The following FSTL5 variants were observed in gnomAD, a reference collection of about 807,000 sequenced individuals.
The protein encoded by FSTL5 is follistatin like 5, also known as follistatin-related protein 5.
FSTL5 carries 62 observed loss-of-function variants against 89.1 expected under a neutral mutation model. That is an observed-to-expected ratio of 0.70 (90% confidence interval 0.57 to 0.86). FSTL5 has a LOEUF of 0.86. FSTL5 is among the 40% of genes least tolerant of loss of function. FSTL5 has a pLI of 0.00. For missense variants in FSTL5, 1,057 were observed against 1,001.6 expected, an observed-to-expected ratio of 1.06 and a Z score of -0.75; for synonymous variants, 383 against 346.2, an observed-to-expected ratio of 1.11 and a Z score of -1.18.
chr4:161,975,704 GTAAC>G, intron 3 of FSTL5, among the ~76,000 whole-genome samples: 1 of 150,028 alleles, frequency 6.7e-6, no homozygotes, highest in African/African-American at 2.5e-5. Flanking sequence ...GTATACATAT[GTAAC>G]TAACCTGCAC....
intron 3 of FSTL5, among the ~76,000 whole-genome samples, chr4:162,025,718 A>G (rs978306668): frequency 8.5e-5 from 13 of 152,188 alleles, no homozygotes; most frequent in Middle Eastern, 3.4e-3. Context: ...ACTGTGAAAT[A>G]TATCTTATAA....
chr4:161,489,990 T>G (rs1245248538), intron 12 of FSTL5, among the ~76,000 whole-genome samples: 1 of 152,128 alleles, frequency 6.6e-6, no homozygotes, highest in East Asian at 1.9e-4. Context: ...TGGGTATTTT[T>G]TATTTCAAAA....
intron 8 of FSTL5, among the ~76,000 whole-genome samples, chr4:161,543,050 T>C (rs1294229554): frequency 2.0e-5 from 3 of 151,716 alleles, no homozygotes; most frequent in African/African-American, 7.3e-5. Context: ...TAATTAGTAA[T>C]TACAAAGGAG....
chr4:161,924,954 A>C (rs535489417), intron 3 of FSTL5, among the ~76,000 whole-genome samples: 1 of 151,940 alleles, frequency 6.6e-6, no homozygotes, highest in Non-Finnish European at 1.5e-5. Context: ...TTGGTTAAAA[A>C]GAACAACAGA....
At chr4:161,696,668 C>T (rs1010948335) in intron 6 of FSTL5, among the ~76,000 whole-genome samples, 1 of 152,068 alleles carries the variant, frequency 6.6e-6, no homozygotes, top group African/African-American at 2.4e-5. Context: ...CTTTCTCCTC[C>T]TTGGTTAGGT....
chr4:162,156,094 A>C (rs1384865229), intron 1 of FSTL5, among the ~76,000 whole-genome samples: 1 of 152,198 alleles, frequency 6.6e-6, no homozygotes, highest in African/African-American at 2.4e-5. Context: ...CTCTGTGGGC[A>C]ATACCTTAAG....
intron 6 of FSTL5, among the ~76,000 whole-genome samples, chr4:161,692,784 C>T (rs766394496): frequency 4.6e-5 from 7 of 151,982 alleles, no homozygotes; most frequent in African/African-American, 9.7e-5. Flanking sequence ...AGTGCAGTGG[C>T]GCTATCTCGG....
At chr4:162,071,852 A>T (rs766645295) in intron 2 of FSTL5, among the ~76,000 whole-genome samples, 4 of 151,830 alleles carry the variant, frequency 2.6e-5, no homozygotes, top group Non-Finnish European at 4.4e-5. Context: ...AAAACTGTAC[A>T]ATACATATAC....
intron 6 of FSTL5, among the ~76,000 whole-genome samples, chr4:161,722,633 T>A (rs1739255866): frequency 3.9e-5 from 6 of 152,206 alleles, no homozygotes; most frequent in Admixed American, 3.9e-4. Flanking sequence ...TATGCAGAAC[T>A]AACCCTGTGG....
chr4:161,416,578 C>T, intron 15 of FSTL5, among the ~76,000 whole-genome samples: 1 of 152,158 alleles, frequency 6.6e-6, no homozygotes, highest in East Asian at 1.9e-4. Context: ...GGCGTGGTGG[C>T]TCACACCTGT....
chr4:161,793,971 G>A (rs1729553811), intron 4 of FSTL5, among the ~76,000 whole-genome samples: 1 of 152,062 alleles, frequency 6.6e-6, no homozygotes, highest in Non-Finnish European at 1.5e-5. Flanking sequence ...TATAAGAAAG[G>A]CCTATCAGTT....
At chr4:161,927,183 T>A (rs1288705511) in intron 3 of FSTL5, among the ~76,000 whole-genome samples, 2 of 151,642 alleles carry the variant, frequency 1.3e-5, no homozygotes, top group African/African-American at 4.8e-5. Flanking sequence ...TCAATTAACA[T>A]AAATAAAAAT....
intron 8 of FSTL5, among the ~76,000 whole-genome samples, chr4:161,553,842 T>C (rs1732297499): frequency 6.6e-6 from 1 of 151,478 alleles, no homozygotes; most frequent in African/African-American, 2.4e-5. Flanking sequence ...TAATAATGCA[T>C]CTCAAATATA....
chr4:161,918,184 C>T (rs921976097), intron 4 of FSTL5, among the ~76,000 whole-genome samples: 2 of 152,088 alleles, frequency 1.3e-5, no homozygotes, highest in Non-Finnish European at 2.9e-5. Flanking sequence ...TCTTCTTTTA[C>T]AATCAAAACT....
At chr4:162,081,348 G>A (rs952139485) in intron 2 of FSTL5, among the ~76,000 whole-genome samples, 4 of 151,586 alleles carry the variant, frequency 2.6e-5, no homozygotes, top group Non-Finnish European at 3.0e-5. Context: ...TGCTAATGAA[G>A]CAGATCAAAG....
chr4:162,013,685 T>C (rs1357649091), intron 3 of FSTL5, among the ~76,000 whole-genome samples: 1 of 152,188 alleles, frequency 6.6e-6, no homozygotes, highest in African/African-American at 2.4e-5. Flanking sequence ...CAGACATTAG[T>C]AAGCAATATT....
At chr4:161,629,745 A>G (rs1489223065) in intron 7 of FSTL5, among the ~76,000 whole-genome samples, 1 of 152,156 alleles carries the variant, frequency 6.6e-6, no homozygotes, top group Non-Finnish European at 1.5e-5. Context: ...GTCAGTTCAC[A>G]CCAAAATTAT....
intron 3 of FSTL5, among the ~76,000 whole-genome samples, chr4:161,983,938 T>C (rs1224848582): frequency 6.6e-6 from 1 of 152,132 alleles, no homozygotes; most frequent in East Asian, 1.9e-4. Flanking sequence ...TAGGATTTCA[T>C]GAAATACACA....
intron 13 of FSTL5, among the ~76,000 whole-genome samples, chr4:161,467,453 C>T (rs1733783960): frequency 6.6e-6 from 1 of 152,034 alleles, no homozygotes; most frequent in African/African-American, 2.4e-5. Flanking sequence ...TTGTACTTTG[C>T]AGTTCACTAT....
Sources: gnomAD v4.1 joint callset for allele counts (sites outside exome capture counted in the v4.1 genomes callset) on GRCh38, gnomAD v4.1.1 for gene constraint, MANE v1.5 for transcripts, NCBI Gene and HGNC (gene_info 2026-07-23, HGNC 2026-07-21) for gene names.